SSH2: variants seen among roughly 807,000 people sequenced by gnomAD.
SSH2 encodes protein phosphatase Slingshot homolog 2.
Under a neutral mutation model 135.2 loss-of-function variants are expected in SSH2, and 37 were observed. The observed-to-expected ratio is 0.27, with a 90% CI of 0.21 to 0.36. The LOEUF is 0.36. SSH2 is among the 10% of genes least tolerant of loss of function. SSH2 has a pLI of 1.00. For missense variants in SSH2, 1,408 were observed against 1,765.3 expected, an observed-to-expected ratio of 0.80 and a Z score of 3.63; for synonymous variants, 628 against 646.2, an observed-to-expected ratio of 0.97 and a Z score of 0.43.
intron 1 of SSH2, among the ~76,000 whole-genome samples, chr17:29,898,344 G>T (rs975828971): frequency 6.6e-6 from 1 of 152,044 alleles, no homozygotes; most frequent in Admixed American, 6.6e-5. Flanking sequence ...TCCAGGAGCT[G>T]GTTTTTTGAA....
intron 3 of SSH2, among the ~76,000 whole-genome samples, chr17:29,713,527 G>A (rs1340339800): frequency 2.0e-5 from 3 of 152,052 alleles, no homozygotes; most frequent in Non-Finnish European, 4.4e-5. Context: ...GATCAGAGCT[G>A]CAGGGCCTTT....
At chr17:29,838,151 T>C (rs892463893) in intron 2 of SSH2, among the ~76,000 whole-genome samples, 5 of 152,238 alleles carry the variant, frequency 3.3e-5, no homozygotes, top group Non-Finnish European at 7.3e-5. Flanking sequence ...ACTCTGATCA[T>C]GGAGCAAAGC....
At chr17:29,711,961 C>A (rs759005790) in intron 3 of SSH2, among the ~76,000 whole-genome samples, 1 of 152,182 alleles carries the variant, frequency 6.6e-6, no homozygotes, top group African/African-American at 2.4e-5. Flanking sequence ...ATGCCTGTGA[C>A]ACAGCCTGAG....
chr17:29,708,580 A>T (rs1241818351), intron 3 of SSH2, among the ~76,000 whole-genome samples: 1 of 125,350 alleles, frequency 8.0e-6, no homozygotes, highest in Admixed American at 8.8e-5. Flanking sequence ...ACAGAGGGGA[A>T]CTCTGCTTCA....
At chr17:29,914,578 A>G (rs1050155733) in intron 1 of SSH2, among the ~76,000 whole-genome samples, 4 of 151,530 alleles carry the variant, frequency 2.6e-5, no homozygotes, top group Non-Finnish European at 5.9e-5. Flanking sequence ...AAAAAAACAA[A>G]CAAAAAACCC....
intron 3 of SSH2, among the ~76,000 whole-genome samples, chr17:29,743,670 G>A (rs1322313135): frequency 6.6e-6 from 1 of 151,922 alleles, no homozygotes; most frequent in Non-Finnish European, 1.5e-5. Context: ...GCACTTCCAA[G>A]GGGAAACAAT....
intron 3 of SSH2, among the ~76,000 whole-genome samples, chr17:29,785,289 A>G (rs140362116): frequency 6.6e-6 from 1 of 152,218 alleles, no homozygotes; most frequent in East Asian, 1.9e-4. Context: ...GAATTCTACT[A>G]TAATTAAAAT....
chr17:29,770,013 A>C (rs1354258885), intron 3 of SSH2, among the ~76,000 whole-genome samples: 2 of 151,730 alleles, frequency 1.3e-5, no homozygotes, highest in African/African-American at 4.8e-5. Flanking sequence ...ACAGCATATA[A>C]TCCTCAACTT....
chr17:29,867,449 T>C (rs1196051753), intron 1 of SSH2, among the ~76,000 whole-genome samples: 1 of 152,166 alleles, frequency 6.6e-6, no homozygotes, highest in Non-Finnish European at 1.5e-5. Context: ...ATTTGGGACC[T>C]GGACTATGAA....
chr17:29,883,414 T>C (rs990690044), intron 1 of SSH2, among the ~76,000 whole-genome samples: 1 of 152,234 alleles, frequency 6.6e-6, no homozygotes, highest in Non-Finnish European at 1.5e-5. Flanking sequence ...TCCTATCGTG[T>C]TTCAGAAAGG....
chr17:29,764,531 A>C (rs1255950959), intron 3 of SSH2, among the ~76,000 whole-genome samples: 1 of 152,248 alleles, frequency 6.6e-6, no homozygotes, highest in Non-Finnish European at 1.5e-5. Context: ...GCATGAAATA[A>C]ACTAAGTTAG....
At position 29,631,187 on chromosome 17, in the gene SSH2, T is replaced by G. The variant is rs2035649948; in HGVS notation, c.4007A>C (p.Glu1336Ala). Residue 1336 changes from glutamate to alanine, a missense_variant, in exon 16 of 16, where the codon GAA becomes GCA. Glu to Ala is a moderately radical substitution (Grantham distance 107). This residue lies in a region of SSH2 where 1,080 missense variants were observed against 1,144.5 expected (regional missense o/e 0.94). Transcript: ENST00000540801. ...MHAMEDQESL[E>A]NPGAPHNPEP... Reference sequence around the variant, plus strand: ...TGGGTTGTGGGGGGCACCTGGGTTTTCTAGGGACTCTTGGTCCTCCATCGC... The same window carrying G: ...TGGGTTGTGGGGGGCACCTGGGTTTGCTAGGGACTCTTGGTCCTCCATCGC... 1 of 1,614,008 alleles carries G rather than the reference T, an allele frequency of 6.2e-7. No individual in the cohort carries two copies. The highest frequency in any genetic ancestry group is 8.5e-7 in the Non-Finnish European group (1 of 1,180,028).
chr17:29,696,856 T>C (rs2038779321), intron 4 of SSH2, among the ~76,000 whole-genome samples: 1 of 151,666 alleles, frequency 6.6e-6, no homozygotes. Context: ...GGCTAATTTT[T>C]TGTATTTTTA....
intron 1 of SSH2, among the ~76,000 whole-genome samples, chr17:29,918,228 G>C (rs189876232): frequency 7.9e-5 from 12 of 152,236 alleles, no homozygotes; most frequent in Non-Finnish European, 1.8e-4. Flanking sequence ...GATTGACACT[G>C]AGAAGGTAAC....
At chr17:29,684,483 TAAAAAAAA>T in intron 6 of SSH2, 72 bp downstream of exon 6, 2 of 955,928 alleles carry the variant, frequency 2.1e-6, no homozygotes, top group Non-Finnish European at 2.9e-6. Context: ...CCGTCCCCAT[TAAAAAAAA>T]AAAAAAAAAA....
intron 6 of SSH2, among the ~76,000 whole-genome samples, chr17:29,678,143 G>C (rs1297244246): frequency 3.3e-5 from 5 of 150,450 alleles, no homozygotes; most frequent in Admixed American, 6.6e-5. Flanking sequence ...GCCCAGGCTG[G>C]AGTGCAGTGG....
Position 29,636,108 on chromosome 17 carries a change from C to T in SSH2, c.2122G>A (p.Gly708Arg), listed in dbSNP as rs776343891. The change falls in exon 15 of 16, where the codon GGA (glycine) becomes AGA (arginine). Residue 708 changes from glycine to arginine, a missense_variant. Coordinates refer to ENST00000540801, the MANE Select transcript of SSH2 (RefSeq NM_001282129.2). ...AGTCGACAGCTCTCATTCCTTCCTC[C>T]ACCCAGTTCCTCCATCCTTGAATGG... is the stretch of plus-strand genomic sequence containing the variant. ...FSHSRMEELG[G>R]GRNESCRLSV... The T allele has an allele frequency of 6.2e-7, 1 of 1,614,228 alleles. No individual in the cohort carries two copies. Among genetic ancestry groups the T allele is most frequent in the Non-Finnish European group, 8.5e-7 (1 of 1,180,042 alleles).
intron 1 of SSH2, among the ~76,000 whole-genome samples, chr17:29,925,844 A>G (rs1456433203): frequency 6.6e-6 from 1 of 152,224 alleles, no homozygotes; most frequent in East Asian, 1.9e-4. Context: ...CACATATATC[A>G]AAGCATCATG....
chr17:29,876,410 T>C (rs2066031590), intron 1 of SSH2, among the ~76,000 whole-genome samples: 1 of 152,164 alleles, frequency 6.6e-6, no homozygotes, highest in Non-Finnish European at 1.5e-5. Context: ...TTTTTTCCTA[T>C]AGAGTTGTTT....
Sources: gnomAD v4.1 joint callset for allele counts (sites outside exome capture counted in the v4.1 genomes callset) on GRCh38, gnomAD v4.1.1 for gene constraint, gnomAD v4.1.1 regional missense constraint, MANE v1.5 for transcripts, NCBI Gene and HGNC (gene_info 2026-07-23, HGNC 2026-07-21) for gene names.